TMC8: variants seen among roughly 807,000 people sequenced by gnomAD.
The protein encoded by TMC8 is transmembrane channel like 8, also known as transmembrane channel-like protein 8.
TMC8 carries 71 observed loss-of-function variants against 76.0 expected under a neutral mutation model. That is an observed-to-expected ratio of 0.93 (90% CI 0.77 to 1.14). TMC8 has a LOEUF of 1.14. Among genes scored for constraint, TMC8 ranks in the 50% most tolerant of loss-of-function variants. The pLI, the probability that TMC8 is intolerant of heterozygous loss-of-function variation, is 0.00. For missense variants in TMC8, 924 were observed against 947.9 expected (o/e 0.97, Z 0.33); for synonymous variants, 433 against 433.8 (o/e 1.00, Z 0.02).
At chr17:78,139,374 G>T (rs2075317536) in intron 15 of TMC8, 134 bp downstream of exon 15, 2 of 951,168 alleles carry the variant, frequency 2.1e-6, no homozygotes, top group Admixed American at 2.1e-5. Context: ...CTCAGGCTGA[G>T]AGTGAAGACG....
chr17:78,133,011 G>C (rs2075074701), intron 5 of TMC8, 141 bp downstream of exon 5: 2 of 991,030 alleles, frequency 2.0e-6, no homozygotes, highest in Non-Finnish European at 3.2e-6. Context: ...AGACAGACTG[G>C]CCTGGCCGGT....
chr17:78,131,079 G>A (rs1302437934), intron 1 of TMC8: 7 of 191,306 alleles, frequency 3.7e-5, no homozygotes, highest in East Asian at 3.5e-4. Flanking sequence ...GGCAGATGCC[G>A]AGTCCCAGGA....
At chr17:78,139,004 G>A (rs761567494) in intron 14 of TMC8, 158 bp from the exon 15 acceptor site, 74 of 1,562,548 alleles carry the variant, frequency 4.7e-5, no homozygotes, top group Non-Finnish European at 5.6e-5. Context: ...GGGGCTCTGC[G>A]AGGAAGGAGA....
intron 14 of TMC8, 120 bp from the exon 15 acceptor site, chr17:78,139,042 T>C: frequency 2.5e-6 from 4 of 1,581,268 alleles, no homozygotes; most frequent in South Asian, 1.1e-5. Context: ...GATACAGCAG[T>C]GTGCAGTGAG....
In TMC8 at chr17:78,131,267, A is replaced by G. The variant is rs755000549; in HGVS notation, c.-308-14A>G. 12 of 485,470 alleles carry G rather than the reference A, an allele frequency of 2.5e-5. No individual in the cohort carries two copies. The highest frequency in any genetic ancestry group is 4.5e-5 in the Non-Finnish European group (12 of 265,436). 30.1% of individuals were successfully genotyped at this position (485,470 alleles called of 1,614,324 possible). ...ACTTTCTGTGCCCTTTGGATCTTTC[A>G]CCCCATTTGACAGATGGGGAGACTG... On this transcript the variant is annotated splice_polypyrimidine_tract_variant and intron_variant, in intron 1 of 15. Coordinates refer to ENST00000318430, the MANE Select transcript of TMC8 (RefSeq NM_152468.5).
rs1211195068 is a variant in TMC8, at chr17:78,134,938, C to T, written c.1056C>T (p.Pro352=). The change falls in exon 9 of 16, where the codon CCC becomes CCT. Residue 352 remains proline (P), a synonymous_variant. Coordinates refer to ENST00000318430, the MANE Select transcript of TMC8 (RefSeq NM_152468.5). ...GVIALVNFLG[P]LLFTFLVQLE... is the part of the protein sequence containing the mutation. ...TCGCCCTGGTCAACTTCCTGGGTCC[C>T]CTGCTGTTCACATTTCTGGTCCAGC... is the stretch of plus-strand genomic sequence containing the variant. 4 of 1,614,036 alleles carry T rather than the reference C, an allele frequency of 2.5e-6. No homozygotes were observed. Among genetic ancestry groups the T allele is most frequent in the Non-Finnish European group, 3.4e-6 (4 of 1,180,014 alleles).
intron 3 of TMC8, 128 bp downstream of exon 3, chr17:78,132,158 CT>C (rs1568013308): frequency 6.2e-6 from 9 of 1,449,932 alleles, no homozygotes; most frequent in Non-Finnish European, 5.6e-6. Flanking sequence ...CCCCTCCCCC[CT>C]CCCACCCCTT....
Position 78,138,052 on chromosome 17 carries a change from GGGA to G in TMC8, c.1402_1404del (p.Glu468del). The G allele has an allele frequency of 6.2e-7, 1 of 1,614,014 alleles. No individual in the cohort carries two copies. The highest frequency in any genetic ancestry group is 8.5e-7 in the Non-Finnish European group (1 of 1,180,018). The stretch of plus-strand genomic sequence containing the variant: ...GGCCGGTTCTGGGCCTGGCTGGAAC[GGGA>G]GGAGTTCCTGGTCCCCAAGAATGTG... On this transcript the variant is annotated inframe_deletion, in exon 12 of 16. Transcript: ENST00000318430.
intron 9 of TMC8, chr17:78,136,892 T>C (rs970294225): frequency 8.5e-6 from 3 of 351,190 alleles, no homozygotes; most frequent in African/African-American, 6.4e-5. Context: ...CGAAACCCTG[T>C]CTGTACTCAA....
intron 14 of TMC8, 62 bp downstream of exon 14, chr17:78,138,794 G>A (rs1162379320): frequency 1.9e-6 from 3 of 1,595,088 alleles, no homozygotes; most frequent in Admixed American, 3.4e-5. Context: ...TTCCTTCCAT[G>A]GGGGTGGTGA....
rs1481338794 is a variant in TMC8, at chr17:78,132,385, T to C, written c.325T>C (p.Tyr109His). Residue 109 changes from tyrosine (Y) to histidine (H), a missense_variant, in exon 4 of 16, where the codon TAC (tyrosine) becomes CAC (histidine). Transcript: ENST00000318430. ...CCTCTTCGGCACAGGAATTCGGTCC[T>C]ACTTCACCTTCCTCCGCTTCCTGCT... Reference protein sequence around the residue: ...GGLFGTGIRSYFTFLRFLLLL... With the variant: ...GGLFGTGIRSHFTFLRFLLLL... 2.5e-6 allele frequency: 4 copies of C among 1,613,018 alleles called. No homozygotes were observed. In the African/African-American group the frequency reaches 5.3e-5, roughly 22 times the overall value.
At chr17:78,136,883 G>A (rs745387707) in intron 9 of TMC8, 8 of 347,114 alleles carry the variant, frequency 2.3e-5, no homozygotes, top group Non-Finnish European at 4.0e-5. Context: ...CCAACATGGC[G>A]AAACCCTGTC....
intron 3 of TMC8, 132 bp from the exon 4 acceptor site, chr17:78,132,227 G>C (rs758946305): frequency 1.4e-6 from 2 of 1,385,338 alleles, no homozygotes; most frequent in East Asian, 5.0e-5. Context: ...GACTGTCAGC[G>C]GTACCTCCGG....
At position 78,131,049 on chromosome 17, in the gene TMC8, C is replaced by T. The variant is rs192069616; in HGVS notation, c.-309+198C>T. ...AGAAGGAAGACAGAAGGGGGTCCCC[C>T]GACATCCAGAGTCAGATGTGGCAGA... On this transcript the variant is annotated intron_variant, in intron 1 of 15. Coordinates refer to ENST00000318430, the MANE Select transcript of TMC8 (RefSeq NM_152468.5). The T allele has an allele frequency of 1.6e-5, 3 of 187,654 alleles. No individual in the cohort carries two copies. In the East Asian group the frequency reaches 5.3e-4, roughly 33 times the overall value. The allele number at this position is 187,654 out of a possible 1,614,324, so 11.6% of individuals were successfully genotyped here.
Position 78,133,835 on chromosome 17 carries a change from T to C in TMC8, c.669-18T>C. The C allele has an allele frequency of 6.2e-7, 1 of 1,612,826 alleles. No homozygotes were observed. The highest frequency in any genetic ancestry group is 1.3e-5 in the African/African-American group (1 of 75,062). ...GAGGTGCCCCTCCTCCAGCAGCCCCTGGTCTCCTGCCCCGCAGGATGGTGA... is the reference window on the plus strand; with the variant it reads ...GAGGTGCCCCTCCTCCAGCAGCCCCCGGTCTCCTGCCCCGCAGGATGGTGA... On this transcript the variant is annotated intron_variant, in intron 6 of 15. Coordinates refer to ENST00000318430, the MANE Select transcript of TMC8 (RefSeq NM_152468.5).
At chr17:78,140,637 A>C (rs1442728811) in intron 15 of TMC8, among the ~76,000 whole-genome samples, 197 bp from the exon 16 acceptor site, 1 of 146,036 alleles carries the variant, frequency 6.8e-6, no homozygotes, top group East Asian at 2.1e-4. Flanking sequence ...CTAGGGCTGC[A>C]TCGGGGCGGG....
intron 15 of TMC8, 61 bp from the exon 16 acceptor site, chr17:78,140,773 T>A: frequency 6.4e-7 from 1 of 1,562,192 alleles, no homozygotes; most frequent in Non-Finnish European, 8.7e-7. Flanking sequence ...GCCGCTGCTG[T>A]CCTCACACCC....
intron 15 of TMC8, among the ~76,000 whole-genome samples, chr17:78,139,500 C>A (rs1396274327): frequency 6.6e-6 from 1 of 152,122 alleles, no homozygotes; most frequent in East Asian, 1.9e-4. Flanking sequence ...GAGGCCCAGG[C>A]AGGAGGATCG....
intron 15 of TMC8, among the ~76,000 whole-genome samples, chr17:78,139,510 G>C (rs757674364): frequency 6.6e-6 from 1 of 152,142 alleles, no homozygotes; most frequent in Non-Finnish European, 1.5e-5. Context: ...CAGGAGGATC[G>C]GATCACTTGA....
Sources: allele counts gnomAD v4.1 joint callset (sites outside exome capture counted in the v4.1 genomes callset), GRCh38; gene constraint gnomAD v4.1.1; transcripts MANE v1.5; gene names NCBI Gene and HGNC (gene_info 2026-07-23, HGNC 2026-07-21).